CUX1: variants seen among roughly 807,000 people sequenced by gnomAD.
The protein encoded by CUX1 is cut like homeobox 1.
In CUX1, 31 loss-of-function variants were observed where a neutral mutation model predicts 158.8. The ratio of observed to expected loss-of-function variants is 0.20; its 90% CI spans 0.15 to 0.26. CUX1 has a LOEUF of 0.26. Among genes scored for constraint, CUX1 ranks in the 10% least tolerant of loss-of-function variants. The pLI is 1.00. For synonymous variants in CUX1, 879 were observed against 862.1 expected (o/e 1.02, Z -0.34); for missense variants, 1,589 against 2,014.6 (o/e 0.79, Z 4.04).
At chr7:102,040,787 C>A in intron 3 of CUX1, among the ~76,000 whole-genome samples, 1 of 152,304 alleles carries the variant, frequency 6.6e-6, no homozygotes, top group Non-Finnish European at 1.5e-5. Flanking sequence ...CAGGCGCTGC[C>A]GCCCACCACC....
At chr7:102,019,382 G>A (rs1039380158) in intron 2 of CUX1, among the ~76,000 whole-genome samples, 2 of 152,028 alleles carry the variant, frequency 1.3e-5, no homozygotes, top group Non-Finnish European at 2.9e-5. Flanking sequence ...ATGCCACCAC[G>A]CCTGGCTAAT....
At chr7:102,009,983 G>C (rs1817807453) in intron 2 of CUX1, among the ~76,000 whole-genome samples, 1 of 152,124 alleles carries the variant, frequency 6.6e-6, no homozygotes, top group South Asian at 2.1e-4. Flanking sequence ...GCACACATGG[G>C]GAGCTTGAAA....
At chr7:101,861,658 T>G (rs1797471820) in intron 1 of CUX1, among the ~76,000 whole-genome samples, 2 of 152,092 alleles carry the variant, frequency 1.3e-5, no homozygotes, top group African/African-American at 2.4e-5. Flanking sequence ...CAGTCCTGAT[T>G]TGGTGGTGCT....
chr7:102,039,660 CAAAAAAAA>C (rs951801289), intron 3 of CUX1, among the ~76,000 whole-genome samples: 3 of 90,390 alleles, frequency 3.3e-5, no homozygotes, highest in South Asian at 3.5e-4. Flanking sequence ...GTCTCTATTT[CAAAAAAAA>C]AAAAAAAAAA....
chr7:102,277,891 C>A, intron 17 of CUX1: 1 of 1,082,272 alleles, frequency 9.2e-7, no homozygotes, highest in Non-Finnish European at 1.3e-6. Context: ...GACGGAGCAG[C>A]ACCTGTGCCA....
Position 102,205,108 on chromosome 7 carries a change from C to T in CUX1, c.3074-6C>T. On this transcript the variant is annotated splice_region_variant and splice_polypyrimidine_tract_variant and intron_variant, in intron 19 of 23. Coordinates refer to ENST00000292535, the MANE Select transcript of CUX1 (RefSeq NM_181552.4). Reference sequence around the variant, plus strand: ...TTCCTTTAATTATAACCTTTTTCTACTTTAGTCCTCCACTCCGTGACATCG... The same window carrying T: ...TTCCTTTAATTATAACCTTTTTCTATTTTAGTCCTCCACTCCGTGACATCG... The T allele has an allele frequency of 6.2e-7, 1 of 1,602,242 alleles. No individual in the cohort carries two copies. The highest frequency in any genetic ancestry group is 1.9e-4 in the Middle Eastern group (1 of 5,262).
chr7:102,050,102 C>T (rs957945070), intron 3 of CUX1, among the ~76,000 whole-genome samples: 3 of 152,122 alleles, frequency 2.0e-5, no homozygotes, highest in Admixed American at 1.3e-4. Context: ...CTCCTGGGTT[C>T]CTGCTTAAAG....
chr7:102,212,050 G>C (rs1223625742), intron 20 of CUX1, among the ~76,000 whole-genome samples: 1 of 152,178 alleles, frequency 6.6e-6, no homozygotes, highest in African/African-American at 2.4e-5. Context: ...CACTGTGCGT[G>C]ACCTGCTTGT....
At chr7:102,197,863 C>T (rs1402606745) in intron 15 of CUX1, among the ~76,000 whole-genome samples, 1 of 152,182 alleles carries the variant, frequency 6.6e-6, no homozygotes, top group African/African-American at 2.4e-5. Context: ...ATGAGTAAAA[C>T]AGGCCTGGCT....
intron 2 of CUX1, 24 bp from the exon 3 acceptor site, chr7:102,028,074 C>G: frequency 1.9e-6 from 3 of 1,612,054 alleles, no homozygotes; most frequent in Non-Finnish European, 2.5e-6. Flanking sequence ...ATGGCTGCTT[C>G]CTGACCTCCG....
At chr7:102,192,736 A>T (rs1386975077) in intron 12 of CUX1, among the ~76,000 whole-genome samples, 4 of 152,116 alleles carry the variant, frequency 2.6e-5, no homozygotes, top group Non-Finnish European at 5.9e-5. Context: ...TTGACTCTGC[A>T]CCTGCGAGTC....
In CUX1 at chr7:102,250,998, G is replaced by A; in HGVS notation, c.*1956G>A. 1.0e-6 allele frequency: 1 copy of A among 961,860 alleles called. No homozygotes were observed. The highest frequency in any genetic ancestry group is 1.2e-6 in the Non-Finnish European group (1 of 808,830). The allele number at this position is 961,860 out of a possible 1,614,324, so 59.6% of individuals were successfully genotyped here. ...TATTTTTTTTTGCTTATTTATAGGT[G>A]CTGTATTTTATTATCTGATTGTTAG... On this transcript the variant is annotated 3_prime_UTR_variant, in exon 24 of 24. Transcript: ENST00000292535.
intron 1 of CUX1, among the ~76,000 whole-genome samples, chr7:101,907,557 C>T (rs1802898127): frequency 1.3e-5 from 2 of 152,050 alleles, no homozygotes; most frequent in Admixed American, 1.3e-4. Flanking sequence ...CCATGTTGGC[C>T]TGGCTGGTTT....
At chr7:101,838,530 G>A (rs1018266882) in intron 1 of CUX1, among the ~76,000 whole-genome samples, 1 of 151,432 alleles carries the variant, frequency 6.6e-6, no homozygotes, top group Non-Finnish European at 1.5e-5. Context: ...GGCCAGGCGC[G>A]GTAGCTCACG....
At chr7:101,867,448 C>T (rs1394616181) in intron 1 of CUX1, among the ~76,000 whole-genome samples, 1 of 152,188 alleles carries the variant, frequency 6.6e-6, no homozygotes, top group Non-Finnish European at 1.5e-5. Context: ...CTCACGGCAG[C>T]CACAAGAGGC....
intron 2 of CUX1, among the ~76,000 whole-genome samples, chr7:101,972,345 C>T (rs1364018333): frequency 6.6e-6 from 1 of 152,234 alleles, no homozygotes; most frequent in African/African-American, 2.4e-5. Flanking sequence ...AGAGAATGAA[C>T]TCTGTCCCTC....
In CUX1 at chr7:102,250,080, G is replaced by T; in HGVS notation, c.*1038G>T. ...AAAAAAAGAAAAAAAAAAAAGAAAA[G>T]ATCCGAATCTAGGTATTTTATAATC... On this transcript the variant is annotated 3_prime_UTR_variant, in exon 24 of 24. Transcript: ENST00000292535. The T allele has an allele frequency of 1.0e-6, 1 of 982,244 alleles. No individual in the cohort carries two copies. 60.8% of individuals were successfully genotyped at this position (982,244 alleles called of 1,614,324 possible). A position where few individuals can be genotyped will look rare whatever the true frequency, so the allele number is the denominator to read the frequency against.
At chr7:101,881,349 G>A (rs541910194) in intron 1 of CUX1, among the ~76,000 whole-genome samples, 1 of 152,322 alleles carries the variant, frequency 6.6e-6, no homozygotes, top group African/African-American at 2.4e-5. Context: ...CTGACACCGT[G>A]TTCCCATGTA....
chr7:102,147,574 G>A (rs1018530758), intron 8 of CUX1, among the ~76,000 whole-genome samples: 1 of 152,114 alleles, frequency 6.6e-6, no homozygotes, highest in Non-Finnish European at 1.5e-5. Context: ...CATCTTGTAG[G>A]CTCTTTCCTT....
Sources: allele counts gnomAD v4.1 joint callset (sites outside exome capture counted in the v4.1 genomes callset), GRCh38; gene constraint gnomAD v4.1.1; transcripts MANE v1.5; gene names NCBI Gene and HGNC (gene_info 2026-07-23, HGNC 2026-07-21).